Variants in CCSER1 observed in about 807,000 individuals in gnomAD.
CCSER1 encodes serine-rich coiled-coil domain-containing protein 1.
In CCSER1, 41 loss-of-function variants were observed where a neutral mutation model predicts 82.0. The observed-to-expected ratio is 0.50, with a 90% CI of 0.39 to 0.65. CCSER1 has a LOEUF of 0.65. CCSER1 is among the 30% of genes least tolerant of loss of function. The pLI is 0.00. For missense variants in CCSER1, 1,119 were observed against 1,064.2 expected, an observed-to-expected ratio of 1.05 and a Z score of -0.72; for synonymous variants, 414 against 383.9, an observed-to-expected ratio of 1.08 and a Z score of -0.92.
At chr4:91,546,576 G>A (rs899164181) in intron 10 of CCSER1, among the ~76,000 whole-genome samples, 1 of 151,974 alleles carries the variant, frequency 6.6e-6, no homozygotes, top group Non-Finnish European at 1.5e-5. Context: ...TATGTGTTCT[G>A]TAATTATGCC....
intron 10 of CCSER1, among the ~76,000 whole-genome samples, chr4:91,177,835 A>G (rs1733563750): frequency 6.6e-6 from 1 of 151,886 alleles, no homozygotes; most frequent in African/African-American, 2.4e-5. Context: ...CTCTGATGTT[A>G]TTTCTTGCCT....
intron 9 of CCSER1, among the ~76,000 whole-genome samples, chr4:91,011,188 A>C (rs1163001027): frequency 7.4e-6 from 1 of 134,786 alleles, no homozygotes; most frequent in African/African-American, 2.5e-5. Context: ...TGCAATTCAC[A>C]TCAGTGATGA....
At chr4:90,227,763 G>A (rs6812983) in intron 1 of CCSER1, among the ~76,000 whole-genome samples, 19,668 of 152,134 alleles carry the variant, frequency 0.13, 1,481 homozygotes, top group East Asian at 0.3. Flanking sequence ...CAATGGGTGC[G>A]CGCACCATGC....
chr4:91,184,707 C>CAA (rs968597086), intron 10 of CCSER1, among the ~76,000 whole-genome samples: 9 of 152,192 alleles, frequency 5.9e-5, no homozygotes, highest in African/African-American at 2.2e-4. Context: ...TGGCCGCCAT[C>CAA]AAAAATTATT....
intron 7 of CCSER1, among the ~76,000 whole-genome samples, chr4:90,763,990 T>C (rs781619995): frequency 1.3e-5 from 2 of 152,188 alleles, no homozygotes; most frequent in Non-Finnish European, 2.9e-5. Flanking sequence ...ATTATTTCAA[T>C]TAAACCTAAT....
chr4:91,572,364 T>A (rs1230070492), intron 10 of CCSER1, among the ~76,000 whole-genome samples: 1 of 152,038 alleles, frequency 6.6e-6, no homozygotes, highest in African/African-American at 2.4e-5. Context: ...GGTGGCTGGC[T>A]ACCCTGGTTG....
intron 9 of CCSER1, among the ~76,000 whole-genome samples, chr4:90,963,726 T>C (rs1259831122): frequency 1.3e-5 from 2 of 152,170 alleles, no homozygotes; most frequent in Non-Finnish European, 2.9e-5. Context: ...GCCTCCATAA[T>C]TGTGTGAAAA....
chr4:90,758,165 G>C (rs1248658559), intron 7 of CCSER1, among the ~76,000 whole-genome samples: 1 of 152,096 alleles, frequency 6.6e-6, no homozygotes, highest in African/African-American at 2.4e-5. Flanking sequence ...CTCGAACCCT[G>C]ACCCCAGGTG....
At chr4:90,285,768 T>C (rs1490272039) in intron 1 of CCSER1, among the ~76,000 whole-genome samples, 2 of 151,970 alleles carry the variant, frequency 1.3e-5, no homozygotes, top group Non-Finnish European at 2.9e-5. Flanking sequence ...ACATAGCTAG[T>C]TGTGGATTTG....
chr4:90,947,475 T>C (rs1732396060), intron 9 of CCSER1, among the ~76,000 whole-genome samples: 1 of 152,190 alleles, frequency 6.6e-6, no homozygotes, highest in African/African-American at 2.4e-5. Flanking sequence ...TCCAGCTATG[T>C]TTCAGCAGCT....
chr4:91,565,025 GTTGTGTGTGTGTGTGTGT>G lies in CCSER1; in HGVS notation c.2218-33546_2218-33529del, dbSNP rs1479565830. Reference sequence around the variant, plus strand: ...AATTTAAGTCTTTAATGCACCTTGAGTTGTGTGTGTGTGTGTGTGTGTGTGTGTGTGTGTGTGTGTGTG... The same window carrying G: ...AATTTAAGTCTTTAATGCACCTTGAGGTGTGTGTGTGTGTGTGTGTGTGTG... On this transcript the variant is annotated intron_variant, in intron 10 of 10. Transcript: ENST00000509176. Among the ~76,000 whole-genome samples, 487 of 120,422 alleles carry G rather than the reference GTTGTGTGTGTGTGTGTGT, an allele frequency of 4.0e-3. 5 individuals carry two copies. Among genetic ancestry groups the G allele is most frequent in the African/African-American group, 0.013 (400 of 30,972 alleles). 79.0% of individuals were successfully genotyped at this position (120,422 alleles called of 152,430 possible). A position where few individuals can be genotyped will look rare whatever the true frequency, so the allele number is the denominator to read the frequency against.
At position 91,115,856 on chromosome 4, in the gene CCSER1, TA is replaced by T. The variant is rs1245049909; in HGVS notation, c.2217+29863del. Among the ~76,000 whole-genome samples, 67 of 139,648 alleles carry T rather than the reference TA, an allele frequency of 4.8e-4. 1 individual carries two copies. Among genetic ancestry groups the T allele is most frequent in the Middle Eastern group, 3.7e-3 (1 of 272 alleles). 91.6% of individuals were successfully genotyped at this position (139,648 alleles called of 152,430 possible). On this transcript the variant is annotated intron_variant, in intron 10 of 10. Coordinates refer to ENST00000509176, the MANE Select transcript of CCSER1 (RefSeq NM_001145065.2). ...TTCCATTCTTTTATATATATATATA[TA>T]TATTTTTTTTTATTATACTTTAAGT...
rs374964788 is a variant in CCSER1, at chr4:90,222,141, T to G, written c.-41-86103T>G. ...TCATGAGACATAATCTTGGGGCAAC[T>G]CTGGTTTAAAGACACAGGGTCCCGT... is the stretch of plus-strand genomic sequence containing the variant. On this transcript the variant is annotated intron_variant, in intron 1 of 10. Transcript: ENST00000509176. Among the ~76,000 whole-genome samples the G allele has an allele frequency of 1.8e-4, 27 of 152,198 alleles. No homozygotes were observed. In the East Asian group the frequency reaches 5.2e-3, roughly 29 times the overall value.
intron 10 of CCSER1, among the ~76,000 whole-genome samples, chr4:91,421,649 C>A (rs1372235895): frequency 6.6e-6 from 1 of 151,920 alleles, no homozygotes; most frequent in Non-Finnish European, 1.5e-5. Context: ...CAAGTTGACG[C>A]ATAAAATAAA....
chr4:91,136,055 A>G (rs1728440880), intron 10 of CCSER1, among the ~76,000 whole-genome samples: 1 of 152,180 alleles, frequency 6.6e-6, no homozygotes, highest in Non-Finnish European at 1.5e-5. Flanking sequence ...TGGTCACAGT[A>G]AAAAATTTTA....
intron 10 of CCSER1, among the ~76,000 whole-genome samples, chr4:91,173,824 G>C (rs1486629644): frequency 6.6e-6 from 1 of 152,008 alleles, no homozygotes; most frequent in East Asian, 1.9e-4. Context: ...ACAAATGGGA[G>C]AAAATAACCC....
intron 10 of CCSER1, among the ~76,000 whole-genome samples, chr4:91,129,133 GCT>G (rs1727776231): frequency 6.6e-6 from 1 of 151,970 alleles, no homozygotes; most frequent in Admixed American, 6.6e-5. Context: ...AAGGATCAAA[GCT>G]TTTTTCCTGT....
chr4:90,989,476 G>GA (rs1165404555), intron 9 of CCSER1, among the ~76,000 whole-genome samples: 3 of 151,640 alleles, frequency 2.0e-5, no homozygotes, highest in East Asian at 3.9e-4. Context: ...CAGAGCATTA[G>GA]AAAAAATAGG....
chr4:90,705,000 G>C (rs537835397), intron 6 of CCSER1, among the ~76,000 whole-genome samples: 79 of 152,278 alleles, frequency 5.2e-4, no homozygotes, highest in African/African-American at 1.8e-3. Flanking sequence ...ATCCAGCTTT[G>C]TTCCACTGCT....
Sources: allele counts gnomAD v4.1 joint callset (sites outside exome capture counted in the v4.1 genomes callset), GRCh38; gene constraint gnomAD v4.1.1; transcripts MANE v1.5; gene names NCBI Gene and HGNC (gene_info 2026-07-23, HGNC 2026-07-21).